Variants in GSR observed in about 807,000 individuals in gnomAD.
The protein encoded by GSR is glutathione-disulfide reductase.
A neutral mutation model predicts 56.5 loss-of-function variants in GSR; 48 were observed. The ratio of observed to expected loss-of-function variants is 0.85; its 90% CI spans 0.67 to 1.08. The LOEUF is 1.08. Among genes scored for constraint, GSR ranks in the 50% least tolerant of loss-of-function variants. The pLI is 0.00. For missense variants in GSR, 694 were observed against 703.3 expected, an observed-to-expected ratio of 0.99 and a Z score of 0.15; for synonymous variants, 264 against 270.8, an observed-to-expected ratio of 0.97 and a Z score of 0.25.
At chr8:30,698,310 C>T (rs970043281) in intron 6 of GSR, among the ~76,000 whole-genome samples, 2 of 152,044 alleles carry the variant, frequency 1.3e-5, no homozygotes, top group African/African-American at 4.8e-5. Context: ...TGCTAATGAA[C>T]AGCTATTTAT....
chr8:30,716,919 T>A (rs1424275968), intron 1 of GSR, among the ~76,000 whole-genome samples: 3 of 147,292 alleles, frequency 2.0e-5, no homozygotes, highest in Non-Finnish European at 4.5e-5. Flanking sequence ...TCCCCCCAAA[T>A]TTTTTTTTTT....
intron 10 of GSR, 144 bp downstream of exon 10, chr8:30,683,944 T>G: frequency 1.4e-6 from 1 of 728,436 alleles, no homozygotes; most frequent in Non-Finnish European, 2.5e-6. Context: ...CCAATATCTA[T>G]TTCAACACAT....
intron 5 of GSR, among the ~76,000 whole-genome samples, chr8:30,702,625 C>T (rs879832895): frequency 2.0e-5 from 3 of 152,072 alleles, no homozygotes; most frequent in Admixed American, 2.0e-4. Context: ...CTGTTACCTG[C>T]AATATGTCTG....
rs374802629 is a variant in GSR at position 30,689,331 on chromosome 8, T to C, written c.883-12A>G. On this transcript the variant is annotated splice_polypyrimidine_tract_variant and intron_variant, in intron 8 of 12. Coordinates refer to ENST00000221130, the MANE Select transcript of GSR (RefSeq NM_000637.5). ...TTAACCTCCTTGACCTATTGGCAAA[T>C]AAAATGTGTTACACATGTGTGGAGG... 5.0e-6 allele frequency: 8 copies of C among 1,612,144 alleles called. No individual in the cohort carries two copies. The highest frequency in any genetic ancestry group is 2.2e-5 in the East Asian group (1 of 44,888).
chr8:30,702,319 C>CTAAA lies in GSR; in HGVS notation c.640+770_640+773dup, dbSNP rs531638931. Among the ~76,000 whole-genome samples, 374 of 150,992 alleles carry CTAAA rather than the reference C, an allele frequency of 2.5e-3. 2 individuals are homozygous for CTAAA. The highest frequency in any genetic ancestry group is 0.013 in the South Asian group (62 of 4,726). Reference sequence around the variant, plus strand: ...TGGGTGACAGAGCCAGACTCTGTCTCTAAATAAATAAATAAATAAATAAAT... The same window carrying CTAAA: ...TGGGTGACAGAGCCAGACTCTGTCTCTAAATAAATAAATAAATAAATAAATAAAT... On this transcript the variant is annotated intron_variant, in intron 5 of 12. Coordinates refer to ENST00000221130, the MANE Select transcript of GSR (RefSeq NM_000637.5).
chr8:30,712,766 C>T (rs540280024), intron 1 of GSR, among the ~76,000 whole-genome samples: 93 of 152,258 alleles, frequency 6.1e-4, no homozygotes, highest in Non-Finnish European at 1.0e-3. Context: ...AAGTACATGG[C>T]ATGGAACTTA....
At chr8:30,692,924 G>A (rs1803436282) in intron 8 of GSR, 45 bp downstream of exon 8, 2 of 1,165,338 alleles carry the variant, frequency 1.7e-6, no homozygotes, top group African/African-American at 1.5e-5. Flanking sequence ...AGCAGAAAGT[G>A]TGATTGACTG....
intron 8 of GSR, among the ~76,000 whole-genome samples, chr8:30,690,258 C>G (rs367722423): frequency 5.9e-5 from 9 of 151,440 alleles, no homozygotes; most frequent in African/African-American, 2.2e-4. Flanking sequence ...CTCCTGGACT[C>G]AAGCTCTCCT....
chr8:30,716,871 C>T (rs1013162038), intron 1 of GSR, among the ~76,000 whole-genome samples: 8 of 152,134 alleles, frequency 5.3e-5, no homozygotes, highest in Non-Finnish European at 8.8e-5. Flanking sequence ...AGCTGGCATG[C>T]TCTCGCTCAC....
Position 30,708,064 on chromosome 8 carries a change from A to T in GSR, c.492+8T>A. 6.2e-7 allele frequency: 1 copy of T among 1,604,506 alleles called. No homozygotes were observed. Among genetic ancestry groups the T allele is most frequent in the South Asian group, 1.1e-5 (1 of 90,898 alleles). On this transcript the variant is annotated splice_region_variant and intron_variant, in intron 4 of 12. Coordinates refer to ENST00000221130, the MANE Select transcript of GSR (RefSeq NM_000637.5). The stretch of plus-strand genomic sequence containing the variant: ...TCTTTCTCAAAGTTAAAAACCCAGC[A>T]TACACACCTTGGTGAGATTGTTTTG...
At chr8:30,692,917 A>G in intron 8 of GSR, 52 bp downstream of exon 8, 7 of 1,099,506 alleles carry the variant, frequency 6.4e-6, no homozygotes, top group Non-Finnish European at 9.8e-6. Context: ...AGCCACAAGC[A>G]GAAAGTGTGA....
At chr8:30,681,267 T>A (rs1802946832) in intron 11 of GSR, among the ~76,000 whole-genome samples, 1 of 152,150 alleles carries the variant, frequency 6.6e-6, no homozygotes, top group South Asian at 2.1e-4. Flanking sequence ...CAGTGGCTCA[T>A]GCCTGTAATC....
At position 30,679,518 on chromosome 8, in the gene GSR, T is replaced by C; in HGVS notation, c.*2A>G. The C allele has an allele frequency of 6.2e-7, 1 of 1,613,946 alleles. No homozygotes were observed. The highest frequency in any genetic ancestry group is 2.2e-5 in the East Asian group (1 of 44,872). On this transcript the variant is annotated 3_prime_UTR_variant, in exon 13 of 13. Coordinates refer to ENST00000221130, the MANE Select transcript of GSR (RefSeq NM_000637.5). ...CTGCCCGCCACACGTGTCTCCTGGT[T>C]CTCAACGAAGTGTGACCAGCTCTTC...
At chr8:30,709,703 T>C (rs895975890) in intron 3 of GSR, 111 bp downstream of exon 3, 3 of 722,842 alleles carry the variant, frequency 4.2e-6, no homozygotes, top group Non-Finnish European at 7.6e-6. Context: ...AAATCTCGTA[T>C]TGTGAATATT....
At chr8:30,720,135 G>T (rs1015632580) in intron 1 of GSR, among the ~76,000 whole-genome samples, 2 of 152,058 alleles carry the variant, frequency 1.3e-5, no homozygotes, top group African/African-American at 4.8e-5. Flanking sequence ...GATCGTTTGA[G>T]CCCAGGAGTT....
At chr8:30,697,019 T>A (rs1803565386) in intron 6 of GSR, among the ~76,000 whole-genome samples, 1 of 152,100 alleles carries the variant, frequency 6.6e-6, no homozygotes, top group African/African-American at 2.4e-5. Flanking sequence ...ATTAATCTTT[T>A]TTTTTTTCTG....
chr8:30,722,659 G>A (rs1586072738), intron 1 of GSR, among the ~76,000 whole-genome samples: 1 of 151,260 alleles, frequency 6.6e-6, no homozygotes. Flanking sequence ...TTGAGCTTGG[G>A]AGTTCAAGGT....
chr8:30,689,185 G>A lies in GSR; in HGVS notation c.1017C>T (p.Thr339=). Residue 339 remains threonine (T), a synonymous_variant, in exon 9 of 13, where the codon ACC becomes ACT. Coordinates refer to ENST00000221130, the MANE Select transcript of GSR (RefSeq NM_000637.5). ...LLWAIGRVPN[T]KDLSLNKLGI... Reference sequence around the variant, plus strand: ...CCAGTTTGTTTAAACTCAGGTCCTTGGTATTCGGGACCCGCCCAATGGCCC... The same window carrying A: ...CCAGTTTGTTTAAACTCAGGTCCTTAGTATTCGGGACCCGCCCAATGGCCC... 1 of 1,613,966 alleles carries A rather than the reference G, an allele frequency of 6.2e-7. No individual in the cohort carries two copies. Among genetic ancestry groups the A allele is most frequent in the Non-Finnish European group, 8.5e-7 (1 of 1,179,928 alleles).
chr8:30,693,839 T>C (rs138150812), intron 7 of GSR, among the ~76,000 whole-genome samples: 11 of 152,100 alleles, frequency 7.2e-5, no homozygotes, highest in African/African-American at 2.6e-4. Context: ...ACAGAGTAGC[T>C]CTAAAATGGA....
Sources: allele counts gnomAD v4.1 joint callset (sites outside exome capture counted in the v4.1 genomes callset), GRCh38; gene constraint gnomAD v4.1.1; transcripts MANE v1.5; gene names NCBI Gene and HGNC (gene_info 2026-07-23, HGNC 2026-07-21).